Variants in ATP10A observed in about 807,000 individuals in gnomAD.
ATP10A encodes the protein ATPase phospholipid transporting 10A (putative).
Under a neutral mutation model 147.8 loss-of-function variants are expected in ATP10A, and 111 were observed. That is an observed-to-expected ratio of 0.75 (90% CI 0.64 to 0.88). The LOEUF (loss-of-function observed/expected upper bound fraction) is 0.88, where lower values mean the gene tolerates loss of function less well. ATP10A is among the 40% of genes least tolerant of loss of function. The pLI, the probability that ATP10A is intolerant of heterozygous loss-of-function variation, is 0.00. For synonymous variants in ATP10A, 875 were observed against 841.6 expected (o/e 1.04, Z -0.69); for missense variants, 1,927 against 1,959.0 (o/e 0.98, Z 0.31).
chr15:25,714,285 TC>T, intron 9 of ATP10A, 44 bp from the exon 10 acceptor site: 2 of 1,575,326 alleles, frequency 1.3e-6, no homozygotes, highest in Non-Finnish European at 1.7e-6. Context: ...AACTGCTATG[TC>T]CCCCAGAGGC....
At chr15:25,703,825 G>A (rs934874266) in intron 12 of ATP10A, among the ~76,000 whole-genome samples, 2 of 152,206 alleles carry the variant, frequency 1.3e-5, no homozygotes, top group African/African-American at 4.8e-5. Context: ...AGGTAGCCTG[G>A]GCCTAGCTCC....
intron 10 of ATP10A, chr15:25,708,937 C>T (rs1424883210): frequency 6.5e-6 from 1 of 152,686 alleles, no homozygotes; most frequent in Non-Finnish European, 1.5e-5. Context: ...AATCTGGCAA[C>T]ACTACTGACC....
rs1012686460 is a variant in ATP10A, at chr15:25,727,254, G to T, written c.753C>A (p.Asn251Lys). The change falls in exon 4 of 21, where the codon AAC (asparagine) becomes AAA (lysine). Residue 251 changes from asparagine to lysine, a missense_variant. By Grantham distance (94) the Asn-to-Lys change is moderately conservative. Transcript: ENST00000555815. ...SRFRGCIIHD[N>K]GKKAGLYKEN... Reference sequence around the variant, plus strand: ...CTTTATACAGCCCGGCCTTTTTCCCGTTGTCATGTATGCTGTAGAGGGACA... The same window carrying T: ...CTTTATACAGCCCGGCCTTTTTCCCTTTGTCATGTATGCTGTAGAGGGACA... 1.9e-6 allele frequency: 3 copies of T among 1,613,646 alleles called. No homozygotes were observed. Among genetic ancestry groups the T allele is most frequent in the Non-Finnish European group, 2.5e-6 (3 of 1,179,798 alleles).
intron 1 of ATP10A, among the ~76,000 whole-genome samples, chr15:25,839,368 G>A (rs772853799): frequency 6.6e-6 from 1 of 152,086 alleles, no homozygotes; most frequent in Non-Finnish European, 1.5e-5. Flanking sequence ...TAACTAGACA[G>A]CCAAGTCTCC....
Position 25,721,673 on chromosome 15 carries a change from A to C in ATP10A, c.1347T>G (p.Tyr449Ter). 6.2e-7 allele frequency: 1 copy of C among 1,613,476 alleles called. No individual in the cohort carries two copies. Among genetic ancestry groups the C allele is most frequent in the Non-Finnish European group, 8.5e-7 (1 of 1,179,586 alleles). Residue 449 changes from tyrosine (Y) to a stop codon, truncating the protein, a stop_gained, in exon 7 of 21, where the codon TAT (tyrosine) becomes TAG (stop). Coordinates refer to ENST00000555815, the MANE Select transcript of ATP10A (RefSeq NM_024490.4). LOFTEE classifies it high-confidence loss of function. Reference protein sequence around the residue: ...FRRCTVSGVEYSHDANAQRLA... With the variant: ...FRRCTVSGVE ...CAGACTCACCATTTGCATCATGAGA[A>C]TATTCTACACCAGACACAGTGCATC...
intron 15 of ATP10A, among the ~76,000 whole-genome samples, chr15:25,691,356 A>G (rs1214909767): frequency 3.3e-5 from 5 of 152,134 alleles, no homozygotes; most frequent in African/African-American, 4.8e-5. Flanking sequence ...CATTTTTTCA[A>G]ATGGTATTGC....
At chr15:25,816,379 T>C (rs1373563) in intron 1 of ATP10A, among the ~76,000 whole-genome samples, 123,293 of 152,000 alleles carry the variant, frequency 0.81, 50,074 homozygotes, top group East Asian at 0.84. Flanking sequence ...TCTAGTTCAG[T>C]TTTTAAAATT....
chr15:25,726,149 G>T, intron 4 of ATP10A, 67 bp from the exon 5 acceptor site: 2 of 1,551,794 alleles, frequency 1.3e-6, no homozygotes. Flanking sequence ...TGCATGGATG[G>T]CGTGGAGGGA....
intron 16 of ATP10A, among the ~76,000 whole-genome samples, chr15:25,687,119 C>T (rs1443854489): frequency 2.2e-5 from 2 of 92,124 alleles, no homozygotes; most frequent in Non-Finnish European, 3.8e-5. Flanking sequence ...GTCACCTGTC[C>T]TGGTGTGGGT....
chr15:25,822,633 G>A (rs1291595466), intron 1 of ATP10A, among the ~76,000 whole-genome samples: 1 of 152,102 alleles, frequency 6.6e-6, no homozygotes, highest in Non-Finnish European at 1.5e-5. Context: ...ACCCTGACCT[G>A]TCTCACTCCA....
intron 1 of ATP10A, among the ~76,000 whole-genome samples, chr15:25,860,436 GCCT>G (rs1242434169): frequency 6.6e-6 from 1 of 152,182 alleles, no homozygotes; most frequent in African/African-American, 2.4e-5. Context: ...GGTGAAACCA[GCCT>G]CCTCCTCCTT....
intron 1 of ATP10A, among the ~76,000 whole-genome samples, chr15:25,786,146 G>A (rs1227633517): frequency 7.2e-5 from 11 of 152,210 alleles, no homozygotes; most frequent in South Asian, 2.1e-4. Flanking sequence ...GGAAGCTGGC[G>A]TTGTGGCTGG....
chr15:25,708,476 G>GCAAATA, intron 10 of ATP10A, 176 bp from the exon 11 acceptor site: 1 of 613,680 alleles, frequency 1.6e-6, no homozygotes, highest in Non-Finnish European at 2.8e-6. Context: ...TCATCAATAT[G>GCAAATA]TTTGACTGTT....
intron 1 of ATP10A, among the ~76,000 whole-genome samples, chr15:25,798,492 G>A (rs1210122679): frequency 6.6e-6 from 1 of 152,210 alleles, no homozygotes; most frequent in Non-Finnish European, 1.5e-5. Flanking sequence ...GGGGGCCGAA[G>A]CCCAGATTCA....
chr15:25,701,554 A>G (rs1231320576), intron 13 of ATP10A, among the ~76,000 whole-genome samples: 1 of 152,228 alleles, frequency 6.6e-6, no homozygotes, highest in African/African-American at 2.4e-5. Flanking sequence ...AACTGGATAA[A>G]GAAGTCCTCA....
At chr15:25,835,896 C>A (rs35440136) in intron 1 of ATP10A, among the ~76,000 whole-genome samples, 68,486 of 152,156 alleles carry the variant, frequency 0.45, 17,962 homozygotes, top group East Asian at 0.67. Context: ...TCACTGCCAG[C>A]TCTGCCTCCG....
At position 25,858,225 on chromosome 15, in the gene ATP10A, G is replaced by A. The variant is rs74378323; in HGVS notation, c.449+4423C>T. ...TAAGAAGAACTGGCGTGGTCCCTGCGCATTCTTAACTCCTGGGTCTTGTCC... is the reference window on the plus strand; with the variant it reads ...TAAGAAGAACTGGCGTGGTCCCTGCACATTCTTAACTCCTGGGTCTTGTCC... On this transcript the variant is annotated intron_variant, in intron 1 of 20. Coordinates refer to ENST00000555815, the MANE Select transcript of ATP10A (RefSeq NM_024490.4). Among the ~76,000 whole-genome samples, 173 of 152,316 alleles carry A rather than the reference G, an allele frequency of 1.1e-3. 1 individual carries two copies. The highest frequency in any genetic ancestry group is 1.7e-3 in the Non-Finnish European group (116 of 68,032).
intron 2 of ATP10A, among the ~76,000 whole-genome samples, chr15:25,774,530 A>G (rs1465443747): frequency 6.6e-6 from 1 of 151,806 alleles, no homozygotes; most frequent in African/African-American, 2.4e-5. Context: ...GAGCCGAGAT[A>G]GTGCCATTGC....
chr15:25,713,916 G>A lies in ATP10A; in HGVS notation c.2102C>T (p.Ala701Val). ...GGCTCTGGCCGCATACACCAGTGCG[G>A]CCTCATCCGGGCTCTCCGCCTCGTA... is the stretch of plus-strand genomic sequence containing the variant. ...LRYEAESPDEAALVYAARAYN... is the reference protein window; with the variant it reads ...LRYEAESPDEVALVYAARAYN... The change falls in exon 10 of 21, where the codon GCC (alanine) becomes GTC (valine). Residue 701 changes from alanine (A) to valine (V), a missense_variant. By Grantham distance (64) the Ala-to-Val change is moderately conservative. Transcript: ENST00000555815. The A allele has an allele frequency of 1.2e-6, 2 of 1,612,860 alleles. No homozygotes were observed.
Sources: gnomAD v4.1 joint callset for allele counts (sites outside exome capture counted in the v4.1 genomes callset) on GRCh38, gnomAD v4.1.1 for gene constraint, MANE v1.5 for transcripts, NCBI Gene and HGNC (gene_info 2026-07-23, HGNC 2026-07-21) for gene names.